SPAG16: variants seen among roughly 807,000 people sequenced by gnomAD.
SPAG16 encodes the protein sperm associated antigen 16.
Under a neutral mutation model 80.4 loss-of-function variants are expected in SPAG16, and 86 were observed. That is an observed-to-expected ratio of 1.07 (90% confidence interval 0.90 to 1.28). The LOEUF (loss-of-function observed/expected upper bound fraction) is 1.28. Ranked by LOEUF, SPAG16 falls within the 50% of genes most tolerant of loss-of-function variation. The pLI is 0.00. For missense variants in SPAG16, 870 were observed against 765.3 expected (o/e 1.14, Z -1.61); for synonymous variants, 294 against 265.9 (o/e 1.11, Z -1.03).
Position 213,707,239 on chromosome 2 carries a change from A to T in SPAG16, c.1071-155246A>T, listed in dbSNP as rs367925788. 7.9e-5 allele frequency among the ~76,000 whole-genome samples: 12 copies of T among 152,312 alleles called. No homozygotes were observed. The East Asian group carries it at 2.3e-3, about 29-fold the overall frequency. On this transcript the variant is annotated intron_variant, in intron 10 of 15. Transcript: ENST00000331683. ...GACACTGCTTACAAAACCTGTCATG[A>T]TATGACAATTTCTTACCTCTTCAAC...
At chr2:214,041,399 A>C (rs1248948484) in intron 13 of SPAG16, among the ~76,000 whole-genome samples, 3 of 141,950 alleles carry the variant, frequency 2.1e-5, no homozygotes, top group Non-Finnish European at 4.6e-5. Flanking sequence ...ATAAACAAAG[A>C]CTCTTTGCAC....
rs13394548 is a variant in SPAG16 at position 214,052,607 on chromosome 2, G to T, written c.1527+38530G>T. On this transcript the variant is annotated intron_variant, in intron 13 of 15. Transcript: ENST00000331683. Reference sequence around the variant, plus strand: ...TGGAGAAATCTTTTCTCTTTATATCGTATATTATAAGAATAATAATATAAA... The same window carrying T: ...TGGAGAAATCTTTTCTCTTTATATCTTATATTATAAGAATAATAATATAAA... Among the ~76,000 whole-genome samples, 8 of 152,096 alleles carry T rather than the reference G, an allele frequency of 5.3e-5. No homozygotes were observed. The South Asian group carries it at 1.4e-3, about 28-fold the overall frequency.
intron 13 of SPAG16, among the ~76,000 whole-genome samples, chr2:214,102,620 G>C (rs576781310): frequency 2.0e-5 from 3 of 152,028 alleles, no homozygotes; most frequent in South Asian, 4.1e-4. Flanking sequence ...TAAGGGCCAG[G>C]CCTATGTTGG....
At chr2:214,039,841 A>G (rs1242483377) in intron 13 of SPAG16, among the ~76,000 whole-genome samples, 1 of 152,220 alleles carries the variant, frequency 6.6e-6, no homozygotes, top group African/African-American at 2.4e-5. Context: ...TATTACTCAA[A>G]CAACCTCTCT....
intron 11 of SPAG16, among the ~76,000 whole-genome samples, chr2:213,882,869 C>CTTTTTG (rs2076398645): frequency 1.3e-5 from 2 of 151,422 alleles, no homozygotes; most frequent in Non-Finnish European, 2.9e-5. Context: ...TTTTGTTTTT[C>CTTTTTG]TTTTTGTTTT....
chr2:213,737,696 G>T (rs1399719919), intron 10 of SPAG16, among the ~76,000 whole-genome samples: 1 of 152,018 alleles, frequency 6.6e-6, no homozygotes, highest in East Asian at 1.9e-4. Flanking sequence ...CATCGTGTTA[G>T]CCAGGATGGT....
intron 3 of SPAG16, among the ~76,000 whole-genome samples, chr2:213,300,621 C>G (rs1001259553): frequency 1.3e-5 from 2 of 152,232 alleles, no homozygotes; most frequent in Middle Eastern, 6.8e-3. Flanking sequence ...GTAACAGTGT[C>G]ACTCTTCTCA....
intron 15 of SPAG16, among the ~76,000 whole-genome samples, chr2:214,207,728 A>T (rs2058182580): frequency 6.6e-6 from 1 of 152,120 alleles, no homozygotes; most frequent in Non-Finnish European, 1.5e-5. Context: ...GGGGATTGGG[A>T]GAAGAAGATC....
intron 6 of SPAG16, among the ~76,000 whole-genome samples, chr2:213,341,793 G>A (rs77640577): frequency 0.024 from 3,628 of 152,094 alleles, 61 homozygotes; most frequent in African/African-American, 0.039. Context: ...CTCTCAGATC[G>A]GCCTCCCAAA....
chr2:213,781,727 C>T (rs192081208), intron 10 of SPAG16, among the ~76,000 whole-genome samples: 9 of 152,194 alleles, frequency 5.9e-5, no homozygotes, highest in African/African-American at 1.9e-4. Context: ...AATCACATTA[C>T]GTGGACAACT....
At chr2:213,772,523 C>T (rs2069312708) in intron 10 of SPAG16, among the ~76,000 whole-genome samples, 1 of 152,034 alleles carries the variant, frequency 6.6e-6, no homozygotes. Flanking sequence ...TTAGGTTCTT[C>T]CTCATTGAAT....
At chr2:213,472,785 C>T (rs1228864197) in intron 9 of SPAG16, among the ~76,000 whole-genome samples, 1 of 152,190 alleles carries the variant, frequency 6.6e-6, no homozygotes, top group African/African-American at 2.4e-5. Context: ...TGGAGGACCA[C>T]AGTGACATTT....
At chr2:213,402,850 A>G (rs940269158) in intron 9 of SPAG16, among the ~76,000 whole-genome samples, 3 of 152,162 alleles carry the variant, frequency 2.0e-5, no homozygotes, top group African/African-American at 7.2e-5. Context: ...GGTTGGTTCC[A>G]AGTCTTTGCT....
chr2:214,245,846 C>T (rs1689802459), intron 15 of SPAG16, among the ~76,000 whole-genome samples: 1 of 152,078 alleles, frequency 6.6e-6, no homozygotes, highest in Non-Finnish European at 1.5e-5. Context: ...TTTAAATTTA[C>T]CTGATATGTG....
At chr2:213,445,759 C>T (rs1443282407) in intron 9 of SPAG16, among the ~76,000 whole-genome samples, 1 of 152,148 alleles carries the variant, frequency 6.6e-6, no homozygotes, top group Non-Finnish European at 1.5e-5. Context: ...TACCATCTCA[C>T]CTCAGCTAAA....
At chr2:213,718,886 G>T (rs940578243) in intron 10 of SPAG16, among the ~76,000 whole-genome samples, 1 of 152,176 alleles carries the variant, frequency 6.6e-6, no homozygotes, top group African/African-American at 2.4e-5. Flanking sequence ...AGCACACGGC[G>T]CAGGACTGGC....
chr2:214,374,737 C>G (rs1362643084), intron 15 of SPAG16, among the ~76,000 whole-genome samples: 1 of 152,182 alleles, frequency 6.6e-6, no homozygotes, highest in East Asian at 1.9e-4. Flanking sequence ...TGAAATAGAA[C>G]ATTAGATTTC....
chr2:214,015,317 G>C (rs190303296), intron 13 of SPAG16, among the ~76,000 whole-genome samples: 1 of 151,922 alleles, frequency 6.6e-6, no homozygotes, highest in South Asian at 2.1e-4. Context: ...GGCTGGTTTC[G>C]GCTGGGTGCA....
chr2:214,049,510 A>G (rs1353155330), intron 13 of SPAG16, among the ~76,000 whole-genome samples: 1 of 152,146 alleles, frequency 6.6e-6, no homozygotes, highest in Non-Finnish European at 1.5e-5. Context: ...ATTTCATTGT[A>G]AATATATTTC....
Sources: allele counts gnomAD v4.1 joint callset (sites outside exome capture counted in the v4.1 genomes callset), GRCh38; gene constraint gnomAD v4.1.1; transcripts MANE v1.5; gene names NCBI Gene and HGNC (gene_info 2026-07-23, HGNC 2026-07-21).